ZBTB25: variants seen among roughly 807,000 people sequenced by gnomAD.
The protein encoded by ZBTB25 is zinc finger and BTB domain containing 25, also known as zinc finger and BTB domain-containing protein 25.
ZBTB25 carries 20 observed loss-of-function variants against 34.2 expected under a neutral mutation model. The observed-to-expected ratio is 0.58, with a 90% CI of 0.41 to 0.85. ZBTB25 has a LOEUF of 0.85. Ranked by LOEUF, ZBTB25 falls within the 40% of genes least tolerant of loss-of-function variation. The probability of loss-of-function intolerance (pLI) is 0.00; values close to 1 mark genes in which losing one functional copy is unlikely to be tolerated. For synonymous variants in ZBTB25, 175 were observed against 186.4 expected (o/e 0.94, Z 0.50); for missense variants, 437 against 521.8 (o/e 0.84, Z 1.58).
Position 64,479,072 on chromosome 14 carries a change from G to A in ZBTB25, c.*7851C>T, listed in dbSNP as rs1427943993. The A allele has an allele frequency of 6.6e-6, 1 of 151,976 alleles. No individual in the cohort carries two copies. Among genetic ancestry groups the A allele is most frequent in the Non-Finnish European group, 1.5e-5 (1 of 67,996 alleles). 9.4% of individuals were successfully genotyped at this position (151,976 alleles called of 1,614,324 possible). A position where few individuals can be genotyped will look rare whatever the true frequency, so the allele number is the denominator to read the frequency against. On this transcript the variant is annotated 3_prime_UTR_variant, in exon 3 of 3. Coordinates refer to ENST00000608382, the MANE Select transcript of ZBTB25 (RefSeq NM_006977.5). Reference sequence around the variant, plus strand: ...CACATTTTTATCTTTTAAAAGCTGGGATCAAGGATAATACAAATAGAATTT... The same window carrying A: ...CACATTTTTATCTTTTAAAAGCTGGAATCAAGGATAATACAAATAGAATTT...
chr14:64,503,239 G>T, intron 1 of ZBTB25: 3 of 985,462 alleles, frequency 3.0e-6, no homozygotes, highest in Non-Finnish European at 3.6e-6. Flanking sequence ...GCTGGGAGTG[G>T]AAACAGTAGC....
In ZBTB25 at chr14:64,485,177, T is replaced by C. The variant is rs2078844763; in HGVS notation, c.*1746A>G. The C allele has an allele frequency of 1.0e-6, 1 of 985,434 alleles. No homozygotes were observed. The highest frequency in any genetic ancestry group is 1.2e-6 in the Non-Finnish European group (1 of 829,922). 61.0% of individuals were successfully genotyped at this position (985,434 alleles called of 1,614,324 possible). A position where few individuals can be genotyped will look rare whatever the true frequency, so the allele number is the denominator to read the frequency against. On this transcript the variant is annotated 3_prime_UTR_variant, in exon 3 of 3. Transcript: ENST00000608382. ...TACCTAGAGAAAACCTTTGTGTCCTTAGAATTAGCTGGATTACTCTTTGAG... is the reference window on the plus strand; with the variant it reads ...TACCTAGAGAAAACCTTTGTGTCCTCAGAATTAGCTGGATTACTCTTTGAG...
intron 1 of ZBTB25, among the ~76,000 whole-genome samples, chr14:64,501,717 A>G (rs1282266083): frequency 2.0e-5 from 3 of 152,228 alleles, no homozygotes; most frequent in African/African-American, 7.2e-5. Flanking sequence ...TGGGGAGGAC[A>G]TTATGCAACA....
chr14:64,490,239 AAAAAATTAT>A, intron 2 of ZBTB25, 113 bp downstream of exon 2: 1 of 392,024 alleles, frequency 2.6e-6, no homozygotes, highest in Non-Finnish European at 4.0e-6. Flanking sequence ...AAAAAAAAAA[AAAAAATTAT>A]AATTTTACTT....
At chr14:64,474,627 T>C (rs184322773), downstream of ZBTB25, 491 of 160,210 alleles carry the variant, frequency 3.1e-3, 3 homozygotes, top group Non-Finnish European at 4.9e-3. Context: ...TAATTGGGAA[T>C]TGGACAGAGA....
At chr14:64,475,134 T>G (rs1214957988), downstream of ZBTB25, among the ~76,000 whole-genome samples, 1 of 152,138 alleles carries the variant, frequency 6.6e-6, no homozygotes, top group Non-Finnish European at 1.5e-5. Context: ...ATTTCACATT[T>G]TGCAGGATTT....
In ZBTB25 at chr14:64,482,625, A is replaced by G. The variant is rs2078807323; in HGVS notation, c.*4298T>C. ...TACTGAAGGCTAAAAAGAAACAGTG[A>G]TGATTAAATTACAGTAGAACAGGAA... On this transcript the variant is annotated 3_prime_UTR_variant, in exon 3 of 3. Transcript: ENST00000608382. 1 of 152,262 alleles carries G rather than the reference A, an allele frequency of 6.6e-6. No individual in the cohort carries two copies. The highest frequency in any genetic ancestry group is 1.5e-5 in the Non-Finnish European group (1 of 68,052). The allele number at this position is 152,262 out of a possible 1,614,324, so 9.4% of individuals were successfully genotyped here. A position where few individuals can be genotyped will look rare whatever the true frequency, so the allele number is the denominator to read the frequency against.
intron 1 of ZBTB25, among the ~76,000 whole-genome samples, chr14:64,491,234 G>A (rs528137033): frequency 9.1e-4 from 139 of 152,348 alleles, no homozygotes; most frequent in Middle Eastern, 3.4e-3. Context: ...GGGAGGATGA[G>A]GCAGGAGGGT....
At chr14:64,488,933 T>C (rs1239065386) in intron 2 of ZBTB25, among the ~76,000 whole-genome samples, 1 of 152,172 alleles carries the variant, frequency 6.6e-6, no homozygotes, top group Admixed American at 6.5e-5. Context: ...AATAAAGATA[T>C]CTTAAAACTT....
chr14:64,495,407 CT>C (rs1383842948), intron 1 of ZBTB25, among the ~76,000 whole-genome samples: 1 of 152,186 alleles, frequency 6.6e-6, no homozygotes, highest in Non-Finnish European at 1.5e-5. Context: ...GTTTGGGGTT[CT>C]GCCACTCCAA....
At position 64,453,955 on chromosome 14, in the gene ZBTB25, T is replaced by TGCTTCACTTCTCTGGGTG. The variant is rs2078421856; in HGVS notation, c.174-4335_174-4318dup. 4 of 774,056 alleles carry TGCTTCACTTCTCTGGGTG rather than the reference T, an allele frequency of 5.2e-6. No homozygotes were observed. The East Asian group carries it at 1.1e-4, about 21-fold the overall frequency. The allele number at this position is 774,056 out of a possible 1,614,324, so 47.9% of individuals were successfully genotyped here. ...CCTCCCAGCCCTGCCAAGTACCCGT[T>TGCTTCACTTCTCTGGGTG]GCTTCACTTCTCTGGGTGGCAGCCT... On this transcript the variant is annotated intron_variant, in intron 2 of 2. Coordinates refer to the ZBTB25 transcript ENST00000555220.
At chr14:64,488,671 G>GA (rs2078965760) in intron 2 of ZBTB25, among the ~76,000 whole-genome samples, 1 of 152,150 alleles carries the variant, frequency 6.6e-6, no homozygotes, top group Admixed American at 6.5e-5. Context: ...GACACAAAAG[G>GA]ACAAGTATTA....
At chr14:64,477,991 G>A (rs2078735437), downstream of ZBTB25, 1 of 152,258 alleles carries the variant, frequency 6.6e-6, no homozygotes, top group African/African-American at 2.4e-5. Flanking sequence ...TTTGTACAGA[G>A]AATCTCTCTT....
chr14:64,453,827 A>G (rs772462159), intron 2 of ZBTB25: 1 of 1,612,288 alleles, frequency 6.2e-7, no homozygotes, highest in East Asian at 2.2e-5. Context: ...TTACTTCCCG[A>G]AGCTCAACAC....
intron 2 of ZBTB25, chr14:64,472,887 A>T (rs558594128): frequency 6.0e-6 from 1 of 167,202 alleles, no homozygotes; most frequent in East Asian, 1.9e-4. Flanking sequence ...TAAAATAATT[A>T]TTAGGAACAC....
In ZBTB25 at chr14:64,459,132, A is replaced by C. The variant is rs1304054027; in HGVS notation, c.174-9494T>G. ...TTCAACATGTGCTCACACCTAGCCGAATCTATCTGGATATTTTCAGACGTG... is the reference window on the plus strand; with the variant it reads ...TTCAACATGTGCTCACACCTAGCCGCATCTATCTGGATATTTTCAGACGTG... On this transcript the variant is annotated intron_variant, in intron 2 of 2. Transcript: ENST00000555220. Among the ~76,000 whole-genome samples the C allele has an allele frequency of 3.3e-5, 5 of 152,320 alleles. No individual in the cohort carries two copies. In the East Asian group the frequency reaches 9.6e-4, roughly 29 times the overall value.
At chr14:64,454,302 G>T (rs1314940615) in intron 2 of ZBTB25, among the ~76,000 whole-genome samples, 1 of 151,926 alleles carries the variant, frequency 6.6e-6, no homozygotes, top group African/African-American at 2.4e-5. Flanking sequence ...TTGTTGAGAT[G>T]GGGTTTTGCC....
chr14:64,472,706 A>T (rs1268849523), intron 2 of ZBTB25: 5 of 166,934 alleles, frequency 3.0e-5, no homozygotes, highest in African/African-American at 1.2e-4. Flanking sequence ...ATTACAGTGA[A>T]TTCTAAGGTG....
chr14:64,486,759 AAT>A lies in ZBTB25; in HGVS notation c.*162_*163del. The A allele has an allele frequency of 1.5e-6, 2 of 1,299,800 alleles. No individual in the cohort carries two copies. Among genetic ancestry groups the A allele is most frequent in the Non-Finnish European group, 2.0e-6 (2 of 1,023,690 alleles). The allele number at this position is 1,299,800 out of a possible 1,614,324, so 80.5% of individuals were successfully genotyped here. A position where few individuals can be genotyped will look rare whatever the true frequency, so the allele number is the denominator to read the frequency against. ...TGTTACATTTTAATAGCCACATATT[AAT>A]ATGTCTTATGAGAAGATCTAATATA... On this transcript the variant is annotated 3_prime_UTR_variant, in exon 3 of 3. Coordinates refer to ENST00000608382, the MANE Select transcript of ZBTB25 (RefSeq NM_006977.5).
Sources: gnomAD v4.1 joint callset for allele counts (sites outside exome capture counted in the v4.1 genomes callset) on GRCh38, gnomAD v4.1.1 for gene constraint, MANE v1.5 for transcripts, NCBI Gene and HGNC (gene_info 2026-07-23, HGNC 2026-07-21) for gene names.